CTNNA2: variants seen among roughly 807,000 people sequenced by gnomAD.
The protein encoded by CTNNA2 is catenin alpha-2.
CTNNA2 carries 42 observed loss-of-function variants against 101.0 expected under a neutral mutation model. The observed-to-expected ratio is 0.42, with a 90% CI of 0.32 to 0.54. The LOEUF (loss-of-function observed/expected upper bound fraction) is 0.54. CTNNA2 is among the 20% of genes least tolerant of loss of function. The pLI, the probability that CTNNA2 is intolerant of heterozygous loss-of-function variation, is 0.14. For missense variants in CTNNA2, 871 were observed against 1,223.1 expected (o/e 0.71, Z 4.29); for synonymous variants, 450 against 456.4 (o/e 0.99, Z 0.18).
intron 3 of CTNNA2, among the ~76,000 whole-genome samples, chr2:79,317,814 T>C (rs1227861755): frequency 6.6e-6 from 1 of 152,104 alleles, no homozygotes; most frequent in Non-Finnish European, 1.5e-5. Flanking sequence ...TTTATGTTAA[T>C]ACATTAATAT....
intron 3 of CTNNA2, among the ~76,000 whole-genome samples, chr2:79,354,319 CAT>C (rs1430466278): frequency 1.3e-5 from 2 of 152,146 alleles, no homozygotes; most frequent in African/African-American, 4.8e-5. Context: ...GCCGATGAGT[CAT>C]ATGTTTGGCT....
chr2:79,535,958 C>T (rs1673029504), intron 1 of CTNNA2, among the ~76,000 whole-genome samples: 1 of 152,134 alleles, frequency 6.6e-6, no homozygotes, highest in Non-Finnish European at 1.5e-5. Flanking sequence ...TGGACACGTA[C>T]GTGAACAGCT....
intron 7 of CTNNA2, among the ~76,000 whole-genome samples, chr2:80,343,811 G>A (rs139364577): frequency 9.2e-5 from 14 of 152,200 alleles, no homozygotes; most frequent in Non-Finnish European, 1.8e-4. Flanking sequence ...AAAGAAGATG[G>A]GTAAGGTCTG....
chr2:79,780,169 C>T (rs1674316579), intron 3 of CTNNA2, among the ~76,000 whole-genome samples: 1 of 152,136 alleles, frequency 6.6e-6, no homozygotes, highest in Non-Finnish European at 1.5e-5. Flanking sequence ...ACTTGTCCTA[C>T]CTTTCCAGAC....
At chr2:79,974,024 T>C (rs1690668091) in intron 7 of CTNNA2, among the ~76,000 whole-genome samples, 1 of 152,194 alleles carries the variant, frequency 6.6e-6, no homozygotes, top group Non-Finnish European at 1.5e-5. Context: ...GAGACTTTTG[T>C]GATACTTTTT....
intron 1 of CTNNA2, among the ~76,000 whole-genome samples, chr2:79,575,881 T>C (rs2103859164): frequency 6.6e-6 from 1 of 152,288 alleles, no homozygotes; most frequent in South Asian, 2.1e-4. Context: ...CCTGGCCAAG[T>C]TACTAAACCT....
At chr2:80,295,619 C>T (rs1352439329) in intron 7 of CTNNA2, among the ~76,000 whole-genome samples, 1 of 152,046 alleles carries the variant, frequency 6.6e-6, no homozygotes, top group Non-Finnish European at 1.5e-5. Context: ...AAATAGAAGC[C>T]CCAAACTGGA....
intron 8 of CTNNA2, among the ~76,000 whole-genome samples, chr2:80,413,741 C>G (rs1383637231): frequency 4.6e-5 from 7 of 152,172 alleles, no homozygotes; most frequent in Non-Finnish European, 1.5e-5. Context: ...AATGATACCA[C>G]ACAGCTTAAG....
chr2:80,063,015 G>T (rs1298381748), intron 7 of CTNNA2, among the ~76,000 whole-genome samples: 1 of 151,908 alleles, frequency 6.6e-6, no homozygotes, highest in Non-Finnish European at 1.5e-5. Flanking sequence ...AAAGCACTGT[G>T]GCCCGGCCAA....
chr2:79,999,791 A>G (rs1692809878), intron 7 of CTNNA2, among the ~76,000 whole-genome samples: 1 of 152,200 alleles, frequency 6.6e-6, no homozygotes, highest in South Asian at 2.1e-4. Context: ...TTCTAGTAAG[A>G]GAGATGGGCA....
At chr2:79,494,712 C>G (rs1029930815) in intron 4 of CTNNA2, among the ~76,000 whole-genome samples, 1 of 152,064 alleles carries the variant, frequency 6.6e-6, no homozygotes. Flanking sequence ...TAGACAAAAA[C>G]ATTCGTATAA....
At chr2:79,998,541 G>T (rs2103944844) in intron 7 of CTNNA2, among the ~76,000 whole-genome samples, 1 of 152,276 alleles carries the variant, frequency 6.6e-6, no homozygotes, top group African/African-American at 2.4e-5. Flanking sequence ...TTCATTATAT[G>T]GCAGACTTGG....
chr2:79,693,398 T>G (rs1372174104), intron 2 of CTNNA2, among the ~76,000 whole-genome samples: 2 of 152,064 alleles, frequency 1.3e-5, no homozygotes, highest in Non-Finnish European at 2.9e-5. Context: ...ACCTAGAGTC[T>G]ACACATTTTG....
At chr2:80,137,147 A>G (rs1186968557) in intron 7 of CTNNA2, among the ~76,000 whole-genome samples, 2 of 152,056 alleles carry the variant, frequency 1.3e-5, no homozygotes, top group Non-Finnish European at 2.9e-5. Context: ...GCACACAGGG[A>G]GTTACATATA....
At chr2:80,000,214 A>T (rs1692848825) in intron 7 of CTNNA2, among the ~76,000 whole-genome samples, 1 of 152,200 alleles carries the variant, frequency 6.6e-6, no homozygotes. Flanking sequence ...CGAGTGGTAG[A>T]AATGGAAAAA....
In CTNNA2 at chr2:80,560,963, AAT is replaced by A. The variant is rs202010151; in HGVS notation, c.1741+5073_1741+5074del. On this transcript the variant is annotated intron_variant, in intron 12 of 18. Coordinates refer to ENST00000402739, the MANE Select transcript of CTNNA2 (RefSeq NM_001282597.3). Reference sequence around the variant, plus strand: ...CACTTTGTCTTTTTTTTCTGTAGAAAATATGTCTACCAGCAGCCTCAGGTTTG... The same window carrying A: ...CACTTTGTCTTTTTTTTCTGTAGAAAATGTCTACCAGCAGCCTCAGGTTTG... 4.2e-3 allele frequency among the ~76,000 whole-genome samples: 641 copies of A among 152,234 alleles called. 4 individuals carry two copies. The highest frequency in any genetic ancestry group is 0.015 in the African/African-American group (623 of 41,518).
chr2:80,611,475 T>G (rs1698464889), intron 17 of CTNNA2, among the ~76,000 whole-genome samples: 1 of 151,686 alleles, frequency 6.6e-6, no homozygotes, highest in African/African-American at 2.4e-5. Context: ...CATATATTTT[T>G]TAGTATGTAA....
At chr2:79,939,245 A>T (rs930040950) in intron 7 of CTNNA2, among the ~76,000 whole-genome samples, 1 of 152,000 alleles carries the variant, frequency 6.6e-6, no homozygotes, top group African/African-American at 2.4e-5. Context: ...GATTGTGTAG[A>T]CATGGGTAGC....
chr2:79,296,901 G>T (rs1262493942), intron 2 of CTNNA2, among the ~76,000 whole-genome samples: 3 of 152,062 alleles, frequency 2.0e-5, no homozygotes, highest in Non-Finnish European at 4.4e-5. Flanking sequence ...CTTAATTGGG[G>T]TCTGCTCATG....
Sources: allele counts gnomAD v4.1 joint callset (sites outside exome capture counted in the v4.1 genomes callset), GRCh38; gene constraint gnomAD v4.1.1; transcripts MANE v1.5; gene names NCBI Gene and HGNC (gene_info 2026-07-23, HGNC 2026-07-21).